Variants in CLVS1 observed in about 807,000 individuals in gnomAD.
CLVS1 encodes the protein clavesin-1.
In CLVS1, 10 loss-of-function variants were observed where a neutral mutation model predicts 33.1. That is an observed-to-expected ratio of 0.30 (90% CI 0.19 to 0.51). The LOEUF (loss-of-function observed/expected upper bound fraction) is 0.51, where lower values mean the gene tolerates loss of function less well. Among genes scored for constraint, CLVS1 ranks in the 20% least tolerant of loss-of-function variants. The probability of loss-of-function intolerance (pLI) is 0.97; values close to 1 mark genes in which losing one functional copy is unlikely to be tolerated. For synonymous variants in CLVS1, 163 were observed against 166.1 expected, an observed-to-expected ratio of 0.98 and a Z score of 0.14; for missense variants, 343 against 433.4, an observed-to-expected ratio of 0.79 and a Z score of 1.85.
At chr8:61,494,234 T>A (rs1804193919) in intron 5 of CLVS1, among the ~76,000 whole-genome samples, 1 of 151,768 alleles carries the variant, frequency 6.6e-6, no homozygotes, top group East Asian at 1.9e-4. Context: ...GTGGGGAAAG[T>A]TCCAATTTTG....
At chr8:61,189,173 A>T (rs1807408191) in intron 2 of CLVS1, among the ~76,000 whole-genome samples, 1 of 152,168 alleles carries the variant, frequency 6.6e-6, no homozygotes, top group Non-Finnish European at 1.5e-5. Flanking sequence ...ACAGTGGATC[A>T]CTTGGCAGAA....
intron 2 of CLVS1, among the ~76,000 whole-genome samples, chr8:61,185,308 A>ATTT (rs11423051): frequency 3.7e-4 from 51 of 138,760 alleles, no homozygotes; most frequent in African/African-American, 1.1e-3. Context: ...TGCCCGGCTA[A>ATTT]TTTTTTTTTT....
chr8:61,236,507 C>A (rs1447713039), intron 2 of CLVS1, among the ~76,000 whole-genome samples: 1 of 152,150 alleles, frequency 6.6e-6, no homozygotes, highest in Non-Finnish European at 1.5e-5. Context: ...GCTCAGACGT[C>A]CCCCTGGGAC....
At chr8:61,120,170 C>T (rs1224893949) in intron 1 of CLVS1, among the ~76,000 whole-genome samples, 5 of 145,822 alleles carry the variant, frequency 3.4e-5, no homozygotes, top group Non-Finnish European at 7.6e-5. Flanking sequence ...CGCATCGGCT[C>T]CTGAGGCTTC....
At chr8:61,043,268 G>A in the CLVS1 span, among the ~76,000 whole-genome samples, 1 of 152,192 alleles carries the variant, frequency 6.6e-6, no homozygotes, top group Non-Finnish European at 1.5e-5. Context: ...TATTGTCATA[G>A]GAAAAGCCAA....
chr8:61,263,074 G>A (rs1171710094), intron 2 of CLVS1, among the ~76,000 whole-genome samples: 2 of 152,170 alleles, frequency 1.3e-5, no homozygotes, highest in Non-Finnish European at 2.9e-5. Context: ...GCCAGAAAGA[G>A]TCACCTCCCT....
chr8:61,058,688 T>C (rs1804524264), intron 1 of CLVS1, among the ~76,000 whole-genome samples: 1 of 152,246 alleles, frequency 6.6e-6, no homozygotes, highest in African/African-American at 2.4e-5. Flanking sequence ...TGTACTATCC[T>C]GATCCCCTTT....
the CLVS1 span, among the ~76,000 whole-genome samples, chr8:61,000,915 G>A: frequency 2.0e-5 from 3 of 152,128 alleles, no homozygotes; most frequent in East Asian, 3.8e-4. Context: ...TTTGGGGAGT[G>A]GAGTTCAAAT....
At chr8:61,430,607 G>C (rs1320747346) in intron 3 of CLVS1, among the ~76,000 whole-genome samples, 1 of 152,142 alleles carries the variant, frequency 6.6e-6, no homozygotes, top group African/African-American at 2.4e-5. Flanking sequence ...AGGAACCCAG[G>C]CTGGCTCTTC....
At position 61,231,286 on chromosome 8, in the gene CLVS1, G is replaced by GCACACACACACACACA. The variant is rs4033613; in HGVS notation, c.-151-68385_-151-68370dup. 1.5e-3 allele frequency among the ~76,000 whole-genome samples: 229 copies of GCACACACACACACACA among 150,072 alleles called. 2 individuals carry two copies. Among genetic ancestry groups the GCACACACACACACACA allele is most frequent in the African/African-American group, 5.4e-3 (217 of 40,484 alleles). ...CCCATGCATATAGGCACCTGTGCTT[G>GCACACACACACACACA]CACACACACACACACACACACTCTA... On this transcript the variant is annotated intron_variant, in intron 2 of 2. Coordinates refer to the CLVS1 transcript ENST00000522621.
chr8:61,477,061 GT>G (rs1323006727), intron 5 of CLVS1, among the ~76,000 whole-genome samples: 2 of 152,100 alleles, frequency 1.3e-5, no homozygotes, highest in Non-Finnish European at 2.9e-5. Context: ...TAATCATGTG[GT>G]TTTTGTCTTT....
the CLVS1 span, among the ~76,000 whole-genome samples, chr8:61,043,414 A>G: frequency 2.6e-5 from 4 of 152,232 alleles, no homozygotes; most frequent in Admixed American, 1.3e-4. Flanking sequence ...TATCTTAATC[A>G]TCAGTCTGGT....
chr8:60,990,957 C>T, the CLVS1 span, among the ~76,000 whole-genome samples: 2 of 152,146 alleles, frequency 1.3e-5, no homozygotes, highest in Non-Finnish European at 2.9e-5. Flanking sequence ...AGTGATCCAC[C>T]TGCCTTGGCC....
chr8:61,081,196 G>T (rs11996331), intron 1 of CLVS1, among the ~76,000 whole-genome samples: 12,360 of 152,230 alleles, frequency 0.081, 583 homozygotes, highest in Middle Eastern at 0.13. Flanking sequence ...GGACTGGACT[G>T]AGTTGCTTGG....
intron 2 of CLVS1, among the ~76,000 whole-genome samples, chr8:61,217,170 A>T (rs1808106890): frequency 6.6e-6 from 1 of 152,168 alleles, no homozygotes; most frequent in Admixed American, 6.6e-5. Flanking sequence ...GCATCTCATA[A>T]CTATAGGTGG....
intron 3 of CLVS1, among the ~76,000 whole-genome samples, chr8:61,404,798 G>A (rs946061216): frequency 6.6e-6 from 1 of 152,130 alleles, no homozygotes; most frequent in Non-Finnish European, 1.5e-5. Flanking sequence ...CAGGAATTTG[G>A]TACTCATCCC....
chr8:60,986,132 G>T, the CLVS1 span, among the ~76,000 whole-genome samples: 1 of 152,194 alleles, frequency 6.6e-6, no homozygotes, highest in Admixed American at 6.5e-5. Context: ...TAGATGCAAA[G>T]GTTATGAAAA....
intron 2 of CLVS1, among the ~76,000 whole-genome samples, chr8:61,260,056 T>A (rs1487482545): frequency 6.6e-6 from 1 of 152,206 alleles, no homozygotes; most frequent in Non-Finnish European, 1.5e-5. Context: ...TCTCCCCCTT[T>A]GCTTTCAGTT....
At chr8:61,078,438 T>C (rs1377159424) in intron 1 of CLVS1, among the ~76,000 whole-genome samples, 3 of 152,234 alleles carry the variant, frequency 2.0e-5, no homozygotes, top group Non-Finnish European at 4.4e-5. Flanking sequence ...GACATTTCAA[T>C]GTCTTGGTCA....
Sources: gnomAD v4.1 joint callset for allele counts (sites outside exome capture counted in the v4.1 genomes callset) on GRCh38, gnomAD v4.1.1 for gene constraint, MANE v1.5 for transcripts, NCBI Gene and HGNC (gene_info 2026-07-23, HGNC 2026-07-21) for gene names.